Variants in TMEM132B observed in about 807,000 individuals in gnomAD.
TMEM132B encodes the protein transmembrane protein 132B.
TMEM132B carries 18 observed loss-of-function variants against 90.8 expected under a neutral mutation model. That is an observed-to-expected ratio of 0.20 (90% CI 0.14 to 0.29). TMEM132B has a LOEUF of 0.29. Among genes scored for constraint, TMEM132B ranks in the 10% least tolerant of loss-of-function variants. The pLI, the probability that TMEM132B is intolerant of heterozygous loss-of-function variation, is 1.00. For missense variants in TMEM132B, 1,096 were observed against 1,326.8 expected (o/e 0.83, Z 2.70); for synonymous variants, 504 against 523.3 (o/e 0.96, Z 0.50).
In TMEM132B at chr12:125,659,111, T is replaced by A. The variant is rs1181525140; in HGVS notation, c.*4401T>A. 2 of 152,228 alleles carry A rather than the reference T, an allele frequency of 1.3e-5. No individual in the cohort carries two copies. Among genetic ancestry groups the A allele is most frequent in the Admixed American group, 1.3e-4 (2 of 15,288 alleles). The allele number at this position is 152,228 out of a possible 1,614,324, so 9.4% of individuals were successfully genotyped here. On this transcript the variant is annotated 3_prime_UTR_variant, in exon 9 of 9. Transcript: ENST00000682704. The stretch of plus-strand genomic sequence containing the variant: ...CTGTATGGTTGGCTATAATATAGAT[T>A]TATTTTTTCTTTTCAGCCAGAGATT...
intron 1 of TMEM132B, among the ~76,000 whole-genome samples, chr12:125,248,094 T>C (rs1263998604): frequency 6.6e-6 from 1 of 152,118 alleles, no homozygotes; most frequent in Non-Finnish European, 1.5e-5. Flanking sequence ...AAGCAGATCT[T>C]GGAGGTGGTG....
chr12:125,414,133 A>G lies in TMEM132B; in HGVS notation c.960-1398A>G, dbSNP rs568127634. ...TTTCATGTGTTTATTGGCCACTTAT[A>G]TAACTCTGGAGAAATGTCTAGTCAA... On this transcript the variant is annotated intron_variant, in intron 2 of 8. Transcript: ENST00000682704. Among the ~76,000 whole-genome samples, 9 of 152,352 alleles carry G rather than the reference A, an allele frequency of 5.9e-5. No individual in the cohort carries two copies. In the South Asian group the frequency reaches 8.3e-4, roughly 14 times the overall value.
chr12:125,414,970 G>T (rs12818770), intron 2 of TMEM132B, among the ~76,000 whole-genome samples: 33,533 of 152,082 alleles, frequency 0.22, 3,731 homozygotes, highest in Middle Eastern at 0.27. Context: ...ACCGTGTTCT[G>T]TGAACATTGT....
At chr12:125,307,118 C>T (rs1410298054) in intron 1 of TMEM132B, among the ~76,000 whole-genome samples, 2 of 152,242 alleles carry the variant, frequency 1.3e-5, no homozygotes, top group African/African-American at 4.8e-5. Context: ...TTGGAGTCCA[C>T]TCCAGTGTTG....
At chr12:125,193,750 A>G (rs183389739) in intron 1 of TMEM132B, among the ~76,000 whole-genome samples, 2 of 152,354 alleles carry the variant, frequency 1.3e-5, no homozygotes, top group Admixed American at 1.3e-4. Flanking sequence ...CAGAGGTATA[A>G]ATCGGGGCTA....
intron 4 of TMEM132B, among the ~76,000 whole-genome samples, chr12:125,570,208 G>T (rs145114158): frequency 3.4e-4 from 52 of 152,306 alleles, no homozygotes; most frequent in African/African-American, 1.2e-3. Context: ...TCCATTTCTT[G>T]TAGAACCTCC....
intron 1 of TMEM132B, among the ~76,000 whole-genome samples, chr12:125,211,195 G>C (rs1873310796): frequency 6.6e-6 from 1 of 152,184 alleles, no homozygotes. Context: ...AAATGGAGTT[G>C]CCACCAGCTG....
chr12:125,530,456 T>C (rs1205483), intron 4 of TMEM132B, among the ~76,000 whole-genome samples: 51,158 of 152,010 alleles, frequency 0.34, 10,704 homozygotes, highest in East Asian at 0.59. Flanking sequence ...GCAGGAAAAA[T>C]GATGCCAATC....
At chr12:125,259,161 A>G (rs150282029) in intron 1 of TMEM132B, among the ~76,000 whole-genome samples, 72 of 152,252 alleles carry the variant, frequency 4.7e-4, no homozygotes, top group African/African-American at 1.6e-3. Flanking sequence ...CTGTTTTATT[A>G]TCTCTTCTGC....
intron 1 of TMEM132B, among the ~76,000 whole-genome samples, chr12:125,192,498 A>G (rs983193353): frequency 6.6e-6 from 1 of 152,150 alleles, no homozygotes; most frequent in African/African-American, 2.4e-5. Context: ...TTTATTTTAG[A>G]AATGAGGTCT....
chr12:125,342,525 A>C (rs1359962084), intron 1 of TMEM132B, among the ~76,000 whole-genome samples: 1 of 152,158 alleles, frequency 6.6e-6, no homozygotes, highest in Non-Finnish European at 1.5e-5. Context: ...GTTCCTTCTT[A>C]GGTCCTGCCT....
intron 1 of TMEM132B, among the ~76,000 whole-genome samples, chr12:125,347,648 G>A (rs1314679747): frequency 6.6e-6 from 1 of 152,182 alleles, no homozygotes; most frequent in Non-Finnish European, 1.5e-5. Flanking sequence ...TGCATTTTAA[G>A]CGCCACGGTC....
chr12:125,357,289 T>A (rs1345965147), intron 2 of TMEM132B, among the ~76,000 whole-genome samples: 1 of 152,192 alleles, frequency 6.6e-6, no homozygotes, highest in Non-Finnish European at 1.5e-5. Context: ...ATTCGTCACC[T>A]CTAATCAAAC....
rs1331025682 is a variant in TMEM132B, at chr12:125,656,959, G to A, written c.*2249G>A. On this transcript the variant is annotated 3_prime_UTR_variant, in exon 9 of 9. Transcript: ENST00000682704. ...GTCCTGCCCACTGGTAAAGTGAGAC[G>A]TTGGGTAGGGGGTGTAACTGGGGAG... is the stretch of plus-strand genomic sequence containing the variant. 3 of 152,342 alleles carry A rather than the reference G, an allele frequency of 2.0e-5. No individual in the cohort carries two copies. Among genetic ancestry groups the A allele is most frequent in the South Asian group, 2.1e-4 (1 of 4,822 alleles). The allele number at this position is 152,342 out of a possible 1,614,324, so 9.4% of individuals were successfully genotyped here. A position where few individuals can be genotyped will look rare whatever the true frequency, so the allele number is the denominator to read the frequency against.
chr12:125,312,347 C>T (rs910087128), intron 1 of TMEM132B, among the ~76,000 whole-genome samples: 1 of 152,222 alleles, frequency 6.6e-6, no homozygotes, highest in Non-Finnish European at 1.5e-5. Flanking sequence ...TCAGTAAAAG[C>T]ATTTTCCTAC....
chr12:125,432,552 G>GAT lies in TMEM132B; in HGVS notation c.1106+16876_1106+16877insTA, dbSNP rs1330052373. Reference sequence around the variant, plus strand: ...ATAGAGAGAGAGAGAGAGAGAGAGAGAGAGAGAGAGAGAGAAAGAGAGTGT... The same window carrying GAT: ...ATAGAGAGAGAGAGAGAGAGAGAGAGATAGAGAGAGAGAGAGAAAGAGAGTGT... On this transcript the variant is annotated intron_variant, in intron 3 of 8. Coordinates refer to ENST00000682704, the MANE Select transcript of TMEM132B (RefSeq NM_001366854.1). 4.1e-4 allele frequency among the ~76,000 whole-genome samples: 54 copies of GAT among 131,632 alleles called. 16 individuals are homozygous for GAT. In the Middle Eastern group the frequency reaches 0.012, roughly 29 times the overall value. 86.4% of individuals were successfully genotyped at this position (131,632 alleles called of 152,430 possible).
intron 5 of TMEM132B, among the ~76,000 whole-genome samples, chr12:125,621,664 A>C (rs1352860746): frequency 6.6e-6 from 1 of 152,186 alleles, no homozygotes; most frequent in African/African-American, 2.4e-5. Flanking sequence ...TTGAGTAACA[A>C]CTATGACTTG....
At chr12:125,374,911 A>G (rs182285011) in intron 2 of TMEM132B, among the ~76,000 whole-genome samples, 3 of 152,302 alleles carry the variant, frequency 2.0e-5, no homozygotes, top group Non-Finnish European at 4.4e-5. Flanking sequence ...TTCATTTTGT[A>G]GCAGGGCTAG....
Position 125,459,347 on chromosome 12 carries a change from T to C in TMEM132B, c.1106+43670T>C, listed in dbSNP as rs1881377363. Among the ~76,000 whole-genome samples the C allele has an allele frequency of 6.6e-6, 1 of 152,240 alleles. No homozygotes were observed. The highest frequency in any genetic ancestry group is 2.1e-4 in the South Asian group (1 of 4,830). On this transcript the variant is annotated intron_variant, in intron 3 of 8. Coordinates refer to ENST00000682704, the MANE Select transcript of TMEM132B (RefSeq NM_001366854.1). The surrounding 1 kb of genome is among the most constrained non-coding windows in gnomAD (Gnocchi z 4.1). ...CCTGCATGCTTGTCTAGGGTCTTGCTGACGAGGGCACGTTTTCTAAAACTA... is the reference window on the plus strand; with the variant it reads ...CCTGCATGCTTGTCTAGGGTCTTGCCGACGAGGGCACGTTTTCTAAAACTA...
Sources: gnomAD v4.1 joint callset for allele counts (sites outside exome capture counted in the v4.1 genomes callset) on GRCh38, gnomAD v4.1.1 for gene constraint, Gnocchi (gnomAD v3.1) non-coding constraint, MANE v1.5 for transcripts, NCBI Gene and HGNC (gene_info 2026-07-23, HGNC 2026-07-21) for gene names.